Variants in SH3TC2 observed in about 807,000 individuals in gnomAD.
SH3TC2 encodes SH3 domain and tetratricopeptide repeat-containing protein 2.
In SH3TC2, 87 loss-of-function variants were observed where a neutral mutation model predicts 124.5. The observed-to-expected ratio is 0.70, with a 90% CI of 0.59 to 0.84. The LOEUF is 0.84. Among genes scored for constraint, SH3TC2 ranks in the 40% least tolerant of loss-of-function variants. SH3TC2 has a pLI of 0.00. For synonymous variants in SH3TC2, 634 were observed against 628.5 expected, an observed-to-expected ratio of 1.01 and a Z score of -0.13; for missense variants, 1,536 against 1,566.4, an observed-to-expected ratio of 0.98 and a Z score of 0.33.
At chr5:149,023,302 G>C (rs1754006622) in intron 12 of SH3TC2, among the ~76,000 whole-genome samples, 1 of 152,088 alleles carries the variant, frequency 6.6e-6, no homozygotes, top group Non-Finnish European at 1.5e-5. Flanking sequence ...ATTTCACAGT[G>C]ATATTTTTAA....
intron 12 of SH3TC2, among the ~76,000 whole-genome samples, chr5:149,023,867 A>C (rs996382602): frequency 6.6e-6 from 1 of 152,184 alleles, no homozygotes; most frequent in Admixed American, 6.5e-5. Flanking sequence ...ATGCTTTTTA[A>C]TCTTAAGCAA....
chr5:149,045,145 A>T (rs1580912415), intron 3 of SH3TC2: 1 of 154,076 alleles, frequency 6.5e-6, no homozygotes, highest in South Asian at 2.0e-4. Flanking sequence ...CTACTCCTAA[A>T]GATCATCAGT....
At position 149,026,374 on chromosome 5, in the gene SH3TC2, T is replaced by C. The variant is rs1007084494; in HGVS notation, c.3053+198A>G. 9 of 625,976 alleles carry C rather than the reference T, an allele frequency of 1.4e-5. 1 individual carries two copies. The South Asian group carries it at 1.7e-4, about 12-fold the overall frequency. 38.8% of individuals were successfully genotyped at this position (625,976 alleles called of 1,614,324 possible). A position where few individuals can be genotyped will look rare whatever the true frequency, so the allele number is the denominator to read the frequency against. ...TTTGGCTGATGAGGAAACTGAGACA[T>C]GGAGAAATTAAATAGCTTGCCCAAG... On this transcript the variant is annotated intron_variant, in intron 12 of 16. Coordinates refer to ENST00000515425, the MANE Select transcript of SH3TC2 (RefSeq NM_024577.4).
intron 1 of SH3TC2, among the ~76,000 whole-genome samples, chr5:149,059,396 T>C (rs1199779459): frequency 6.6e-6 from 1 of 152,066 alleles, no homozygotes; most frequent in African/African-American, 2.4e-5. Flanking sequence ...TCATTTCTCC[T>C]CTCTCAGCCT....
intron 1 of SH3TC2, among the ~76,000 whole-genome samples, chr5:149,058,085 C>T (rs906462866): frequency 6.6e-6 from 1 of 152,186 alleles, no homozygotes; most frequent in South Asian, 2.1e-4. Context: ...GGAAAGATAG[C>T]TTTCTGATAA....
Position 149,027,034 on chromosome 5 carries a change from G to T in SH3TC2, c.2698C>A (p.Leu900Met). 6.2e-7 allele frequency: 1 copy of T among 1,614,196 alleles called. No individual in the cohort carries two copies. Among genetic ancestry groups the T allele is most frequent in the Non-Finnish European group, 8.5e-7 (1 of 1,180,040 alleles). The change falls in exon 11 of 17, where the codon CTG (leucine) becomes ATG (methionine). Residue 900 changes from leucine (L) to methionine (M), a missense_variant. Physicochemically the swap from Leu to Met is conservative, Grantham distance 15. Around this residue, in one of 3 missense-constraint regions of SH3TC2, gnomAD observed 1,102 missense variants for 1,098.6 expected, o/e 1.00. Transcript: ENST00000515425. ...WAQHPARNYL[L>M]QAVRLYCELQ... ...TCACAATAGAGTCGTACAGCCTGCA[G>T]GAGATAGTTTCTGGCTGGATGCTGA...
chr5:149,012,684 A>T lies in SH3TC2; in HGVS notation c.3104T>A (p.Ile1035Asn), dbSNP rs748776942. ...AGCCTTGTCTGTCTCCCCCAGGTCA[A>T]TGAAGATACGCAGGCTCTCCTTGAT... ...TCIKESLRIF[I>N]DLGETDKAAE... The change falls in exon 13 of 17, where the codon ATT (isoleucine) becomes AAT (asparagine). Residue 1035 changes from isoleucine to asparagine, a missense_variant. Coordinates refer to ENST00000515425, the MANE Select transcript of SH3TC2 (RefSeq NM_024577.4). 1.2e-6 allele frequency: 2 copies of T among 1,614,194 alleles called. No individual in the cohort carries two copies. Among genetic ancestry groups the T allele is most frequent in the Admixed American group, 3.3e-5 (2 of 60,024 alleles).
chr5:149,032,678 A>G (rs893210855), intron 8 of SH3TC2, among the ~76,000 whole-genome samples: 23 of 152,218 alleles, frequency 1.5e-4, no homozygotes, highest in African/African-American at 5.3e-4. Flanking sequence ...GGCACAGCAA[A>G]ATGAAGTTGG....
At position 149,004,440 on chromosome 5, in the gene SH3TC2, G is replaced by A; in HGVS notation, c.*271C>T. On this transcript the variant is annotated 3_prime_UTR_variant, in exon 17 of 17. Transcript: ENST00000515425. ...CTCCAGAATTATGTATGGAGAAAGT[G>A]CTTTTCAGAGGCTGTTTGTGTGGAA... is the stretch of plus-strand genomic sequence containing the variant. 2.1e-6 allele frequency: 1 copy of A among 479,088 alleles called. No individual in the cohort carries two copies. Among genetic ancestry groups the A allele is most frequent in the Non-Finnish European group, 3.8e-6 (1 of 266,652 alleles). 29.7% of individuals were successfully genotyped at this position (479,088 alleles called of 1,614,324 possible).
At position 149,002,385 on chromosome 5, in the gene SH3TC2, G is replaced by A. The variant is rs956596349; in HGVS notation, c.*2326C>T. Reference sequence around the variant, plus strand: ...CTTGGGGCTTTTACAGCTTGTGGTGGGGGCAAAACCACATCTATTCTCCAT... The same window carrying A: ...CTTGGGGCTTTTACAGCTTGTGGTGAGGGCAAAACCACATCTATTCTCCAT... On this transcript the variant is annotated 3_prime_UTR_variant, in exon 17 of 17. Coordinates refer to ENST00000515425, the MANE Select transcript of SH3TC2 (RefSeq NM_024577.4). 7 of 152,602 alleles carry A rather than the reference G, an allele frequency of 4.6e-5. No individual in the cohort carries two copies. Among genetic ancestry groups the A allele is most frequent in the African/African-American group, 1.4e-4 (6 of 41,420 alleles). 9.5% of individuals were successfully genotyped at this position (152,602 alleles called of 1,614,324 possible).
chr5:148,987,960 C>T lies in SH3TC2; in HGVS notation c.*16751G>A, dbSNP rs907220974. 6.6e-6 allele frequency among the ~76,000 whole-genome samples: 1 copy of T among 152,136 alleles called. No individual in the cohort carries two copies. On this transcript the variant is annotated 3_prime_UTR_variant, in exon 17 of 17. Coordinates refer to ENST00000515425, the MANE Select transcript of SH3TC2 (RefSeq NM_024577.4). ...AGGTGAGCCATCTCCACTTTGGCCA[C>T]TTCTCCAGATACCCACAAGGAAGTG...
chr5:148,982,531 C>T lies in SH3TC2; in HGVS notation c.*22180G>A, dbSNP rs1198623169. On this transcript the variant is annotated 3_prime_UTR_variant, in exon 17 of 17. Transcript: ENST00000515425. ...GAACCAGCTAAATAAACTGTTATTC[C>T]CATCATGCAAGGAGATACTTTACAG... 1.3e-5 allele frequency among the ~76,000 whole-genome samples: 2 copies of T among 152,042 alleles called. No homozygotes were observed. The highest frequency in any genetic ancestry group is 4.8e-5 in the African/African-American group (2 of 41,368).
intron 8 of SH3TC2, among the ~76,000 whole-genome samples, chr5:149,034,005 G>T (rs1270045772): frequency 2.0e-5 from 3 of 151,962 alleles, no homozygotes; most frequent in South Asian, 4.2e-4. Flanking sequence ...CACAACGAGA[G>T]CCAGCAGATA....
At chr5:149,013,301 CT>C (rs1753815729) in intron 12 of SH3TC2, among the ~76,000 whole-genome samples, 1 of 151,432 alleles carries the variant, frequency 6.6e-6, no homozygotes, top group South Asian at 2.1e-4. Flanking sequence ...CTCATGAGAT[CT>C]GATGGTTGTA....
chr5:149,034,482 A>G, intron 8 of SH3TC2: 1 of 414,306 alleles, frequency 2.4e-6, no homozygotes, highest in Non-Finnish European at 4.8e-6. Context: ...AGAATTGAAG[A>G]AAGACATGAA....
chr5:149,017,487 G>C (rs772213538), intron 12 of SH3TC2, among the ~76,000 whole-genome samples: 5 of 152,130 alleles, frequency 3.3e-5, no homozygotes, highest in Admixed American at 6.5e-5. Context: ...TGAAGGCTGG[G>C]ACAAAGTTTT....
Position 148,989,296 on chromosome 5 carries a change from A to G in SH3TC2, c.*15415T>C, listed in dbSNP as rs927080080. Among the ~76,000 whole-genome samples the G allele has an allele frequency of 1.3e-5, 2 of 152,224 alleles. No individual in the cohort carries two copies. The highest frequency in any genetic ancestry group is 1.3e-4 in the Admixed American group (2 of 15,280). On this transcript the variant is annotated 3_prime_UTR_variant, in exon 17 of 17. Transcript: ENST00000515425. ...TCATTAATTTTACAATAACTTTGCT[A>G]TATAGGTATTTATTATCCCCATTTT...
intron 4 of SH3TC2, chr5:149,043,797 T>C (rs971066500): frequency 6.6e-6 from 1 of 152,636 alleles, no homozygotes; most frequent in Non-Finnish European, 1.5e-5. Context: ...ATACACCTTA[T>C]GTTTTCCAGT....
chr5:149,010,189 G>A (rs1753760190), intron 14 of SH3TC2, 81 bp downstream of exon 14: 4 of 1,586,998 alleles, frequency 2.5e-6, no homozygotes, highest in East Asian at 2.2e-5. Context: ...AGGAGAAGAG[G>A]GACTCAGGCC....
Sources: allele counts gnomAD v4.1 joint callset (sites outside exome capture counted in the v4.1 genomes callset), GRCh38; gene constraint gnomAD v4.1.1; regional missense constraint gnomAD v4.1.1; transcripts MANE v1.5; gene names NCBI Gene and HGNC (gene_info 2026-07-23, HGNC 2026-07-21).